The following RASL10A variants were observed in gnomAD, a reference collection of about 807,000 sequenced individuals.
RASL10A encodes RAS like family 10 member A.
RASL10A carries 13 observed loss-of-function variants against 17.3 expected under a neutral mutation model. The observed-to-expected ratio is 0.75, with a 90% confidence interval of 0.49 to 1.20. RASL10A has a LOEUF of 1.20. RASL10A is among the 50% of genes most tolerant of loss of function. The pLI is 0.00. For missense variants in RASL10A, 307 were observed against 310.3 expected (o/e 0.99, Z 0.08); for synonymous variants, 159 against 142.2 (o/e 1.12, Z -0.84).
upstream of RASL10A, among the ~76,000 whole-genome samples, chr22:29,318,234 C>T (rs1197637059): frequency 2.6e-5 from 4 of 152,332 alleles, 1 homozygote; most frequent in South Asian, 4.1e-4. Flanking sequence ...CTCACAGCAG[C>T]GTTCCTAGCA....
rs939035787 is a variant in RASL10A at position 29,315,637 on chromosome 22, G to A, written c.-391C>T. On this transcript the variant is annotated 5_prime_UTR_variant, in exon 1 of 3. Coordinates refer to ENST00000216101, the MANE Select transcript of RASL10A (RefSeq NM_006477.5). This position sits in a 1 kb window ranked among gnomAD's most constrained non-coding sequence, Gnocchi z 5.5. ...CCCGCAGCGGTGCGGGGCGCGGGGG[G>A]CAGCGCTGCCTCCCGGAGCCTCTGT... 3.9e-5 allele frequency: 6 copies of A among 153,726 alleles called. No individual in the cohort carries two copies. Among genetic ancestry groups the A allele is most frequent in the Middle Eastern group, 3.3e-3 (1 of 302 alleles). The allele number at this position is 153,726 out of a possible 1,614,324, so 9.5% of individuals were successfully genotyped here.
At position 29,315,301 on chromosome 22, in the gene RASL10A, A is replaced by G. The variant is rs1370071793; in HGVS notation, c.-55T>C. 2.9e-5 allele frequency: 37 copies of G among 1,296,228 alleles called. No homozygotes were observed. The highest frequency in any genetic ancestry group is 2.0e-6 in the Non-Finnish European group (2 of 1,007,128). The allele number at this position is 1,296,228 out of a possible 1,614,324, so 80.3% of individuals were successfully genotyped here. A position where few individuals can be genotyped will look rare whatever the true frequency, so the allele number is the denominator to read the frequency against. On this transcript the variant is annotated 5_prime_UTR_variant, in exon 1 of 3. Coordinates refer to ENST00000216101, the MANE Select transcript of RASL10A (RefSeq NM_006477.5). The surrounding 1 kb of genome is among the most constrained non-coding windows in gnomAD (Gnocchi z 5.5). The stretch of plus-strand genomic sequence containing the variant: ...GGAAAGCCTCATGGGCCGGCGCCGC[A>G]CCGTGCGCCCCCAGGCCGTGCGCCC...
chr22:29,313,658 T>C, intron 2 of RASL10A, 90 bp from the exon 3 acceptor site: 2 of 1,430,692 alleles, frequency 1.4e-6, no homozygotes, highest in Non-Finnish European at 1.8e-6. Flanking sequence ...ATTCCCTTCC[T>C]ACGGCCAGAG....
rs1038000733 is a variant in RASL10A, at chr22:29,313,385, G to A, written c.528C>T (p.Arg176=). The A allele has an allele frequency of 6.5e-7, 1 of 1,543,752 alleles. No individual in the cohort carries two copies. The highest frequency in any genetic ancestry group is 8.7e-7 in the Non-Finnish European group (1 of 1,146,342). The change falls in exon 3 of 3, where the codon CGC becomes CGT. Residue 176 remains arginine, a synonymous_variant. Coordinates refer to ENST00000216101, the MANE Select transcript of RASL10A (RefSeq NM_006477.5). ...CAGGGCGCGCGCGCACCAGAGCGCA[G>A]CGCAGCAGCTCGCGGAAGAGACGCA... ...HVLRLFRELL[R]CALVRARPAH...
At chr22:29,314,623 C>T (rs924721099) in intron 1 of RASL10A, among the ~76,000 whole-genome samples, 1 of 152,114 alleles carries the variant, frequency 6.6e-6, no homozygotes, top group Non-Finnish European at 1.5e-5. Context: ...AGAGAATGAA[C>T]CCCTCCACCA....
Position 29,315,317 on chromosome 22 carries a change from C to A in RASL10A, c.-71G>T. ...CGGCGCCGCACCGTGCGCCCCCAGG[C>A]CGTGCGCCCCGCGCGCCCTGCCCGG... On this transcript the variant is annotated 5_prime_UTR_variant, in exon 1 of 3. Transcript: ENST00000216101. This position sits in a 1 kb window ranked among gnomAD's most constrained non-coding sequence, Gnocchi z 5.5. 9.3e-7 allele frequency: 1 copy of A among 1,076,918 alleles called. No individual in the cohort carries two copies. The highest frequency in any genetic ancestry group is 3.4e-5 in the East Asian group (1 of 29,028). The allele number at this position is 1,076,918 out of a possible 1,614,324, so 66.7% of individuals were successfully genotyped here.
In RASL10A at chr22:29,315,114, C is replaced by T. The variant is rs1367753036; in HGVS notation, c.133G>A (p.Ala45Thr). ...TAGACGGCGCCGTCGAGCAGCACCG[C>T]GGGTCGGTAGAGGCGCGGCCCGTCC... Reference protein sequence around the residue: ...PTDGPRLYRPAVLLDGAVYDL... With the variant: ...PTDGPRLYRPTVLLDGAVYDL... Residue 45 changes from alanine (A) to threonine (T), a missense_variant, in exon 1 of 3, where the codon GCG becomes ACG. Transcript: ENST00000216101. This position sits in a 1 kb window ranked among gnomAD's most constrained non-coding sequence, Gnocchi z 5.5. 1 of 1,530,672 alleles carries T rather than the reference C, an allele frequency of 6.5e-7. No individual in the cohort carries two copies. 94.8% of individuals were successfully genotyped at this position (1,530,672 alleles called of 1,614,324 possible). A position where few individuals can be genotyped will look rare whatever the true frequency, so the allele number is the denominator to read the frequency against.
chr22:29,313,444 G>C lies in RASL10A; in HGVS notation c.469C>G (p.Leu157Val), dbSNP rs1249865091. The C allele has an allele frequency of 2.6e-6, 4 of 1,541,486 alleles. No individual in the cohort carries two copies. The highest frequency in any genetic ancestry group is 3.5e-6 in the Non-Finnish European group (4 of 1,147,928). The change falls in exon 3 of 3, where the codon CTC (leucine) becomes GTC (valine). Residue 157 changes from leucine to valine, a missense_variant. Physicochemically the swap from Leu to Val is conservative, Grantham distance 32. Transcript: ENST00000216101. ...LVRRGWRCGY[L>V]ECSAKYNWHV... ...CAGTTGTACTTGGCGGAGCACTCGA[G>C]GTAGCCGCAGCGCCAGCCCCTGCGC...
rs1405245658 is a variant in RASL10A at position 29,313,409 on chromosome 22, C to T, written c.504G>A (p.Leu168=). Residue 168 remains leucine (L), a synonymous_variant, in exon 3 of 3, where the codon CTG becomes CTA. Coordinates refer to ENST00000216101, the MANE Select transcript of RASL10A (RefSeq NM_006477.5). ...AGCGCAGCAGCTCGCGGAAGAGACG[C>T]AGCACGTGCCAGTTGTACTTGGCGG... The part of the protein sequence containing the change: ...ECSAKYNWHV[L]RLFRELLRCA... 2.6e-6 allele frequency: 4 copies of T among 1,541,848 alleles called. No individual in the cohort carries two copies. Among genetic ancestry groups the T allele is most frequent in the Admixed American group, 3.9e-5 (2 of 50,984 alleles).
upstream of RASL10A, among the ~76,000 whole-genome samples, chr22:29,318,368 G>A (rs1239677211): frequency 1.3e-5 from 2 of 152,012 alleles, no homozygotes; most frequent in African/African-American, 2.4e-5. Context: ...GCAGCACAGG[G>A]GCCGGAACCC....
At position 29,313,154 on chromosome 22, in the gene RASL10A, T is replaced by A. The variant is rs1375353647; in HGVS notation, c.*147A>T. On this transcript the variant is annotated 3_prime_UTR_variant, in exon 3 of 3. Transcript: ENST00000216101. ...GAGGTTCAAAAGGGGGCCAGTCGCTTAGGAGACTGGGTTGGAGCTTTCCTC... is the reference window on the plus strand; with the variant it reads ...GAGGTTCAAAAGGGGGCCAGTCGCTAAGGAGACTGGGTTGGAGCTTTCCTC... 8.8e-7 allele frequency: 1 copy of A among 1,133,806 alleles called. No individual in the cohort carries two copies. The highest frequency in any genetic ancestry group is 1.6e-5 in the African/African-American group (1 of 60,942). 70.2% of individuals were successfully genotyped at this position (1,133,806 alleles called of 1,614,324 possible). A position where few individuals can be genotyped will look rare whatever the true frequency, so the allele number is the denominator to read the frequency against.
At chr22:29,314,963 G>T in intron 1 of RASL10A, 65 bp downstream of exon 1, 1 of 1,310,356 alleles carries the variant, frequency 7.6e-7, no homozygotes, top group Non-Finnish European at 1.0e-6. Flanking sequence ...GGACACGCAC[G>T]TGTGCACCGA....
rs1421412407 is a variant in RASL10A at position 29,315,313 on chromosome 22, C to T, written c.-67G>A. 2.7e-6 allele frequency: 3 copies of T among 1,127,254 alleles called. No individual in the cohort carries two copies. The highest frequency in any genetic ancestry group is 3.3e-5 in the African/African-American group (2 of 61,494). 69.8% of individuals were successfully genotyped at this position (1,127,254 alleles called of 1,614,324 possible). On this transcript the variant is annotated 5_prime_UTR_variant, in exon 1 of 3. Transcript: ENST00000216101. The surrounding 1 kb of genome is among the most constrained non-coding windows in gnomAD (Gnocchi z 5.5). ...GGGCCGGCGCCGCACCGTGCGCCCCCAGGCCGTGCGCCCCGCGCGCCCTGC... is the reference window on the plus strand; with the variant it reads ...GGGCCGGCGCCGCACCGTGCGCCCCTAGGCCGTGCGCCCCGCGCGCCCTGC...
At chr22:29,314,167 C>T (rs2061438986) in intron 1 of RASL10A, 180 bp from the exon 2 acceptor site, 18 of 760,978 alleles carry the variant, frequency 2.4e-5, no homozygotes, top group Non-Finnish European at 3.5e-5. Flanking sequence ...TTTTCCAAAT[C>T]GTGCCTGGAG....
chr22:29,315,776 C>T (rs1243994287), upstream of RASL10A: 2 of 152,022 alleles, frequency 1.3e-5, no homozygotes, highest in East Asian at 1.9e-4. The surrounding 1 kb of genome is among the most constrained non-coding windows in gnomAD (Gnocchi z 5.5). Flanking sequence ...TCCCACCTTC[C>T]CCCACCGCCC....
At chr22:29,313,674 G>GC (rs695646) in intron 2 of RASL10A, 106 bp from the exon 3 acceptor site, 178,980 of 1,385,198 alleles carry the variant, frequency 0.13, 10,664 homozygotes, top group Admixed American at 0.19. Flanking sequence ...CAGAGACACC[G>GC]CCCCCCCCGC....
chr22:29,313,350 G>A lies in RASL10A; in HGVS notation c.563C>T (p.Ala188Val), dbSNP rs2061431088. 1 of 1,540,886 alleles carries A rather than the reference G, an allele frequency of 6.5e-7. No homozygotes were observed. The highest frequency in any genetic ancestry group is 2.5e-5 in the East Asian group (1 of 40,710). ...ALVRARPAHPALRLQGALHPA... is the reference protein window; with the variant it reads ...ALVRARPAHPVLRLQGALHPA... ...ATGCAGCGCCCCCTGCAGGCGCAGG[G>A]CCGGGTGTGCAGGGCGCGCGCGCAC... The change falls in exon 3 of 3, where the codon GCC becomes GTC. Residue 188 changes from alanine to valine, a missense_variant. By Grantham distance (64) the Ala-to-Val change is moderately conservative (BLOSUM62 0). Transcript: ENST00000216101.
rs139326579 is a variant in RASL10A, at chr22:29,313,953, T to C, written c.254A>G (p.Asp85Gly). The change falls in exon 2 of 3, where the codon GAC becomes GGC. Residue 85 changes from aspartate to glycine, a missense_variant. Coordinates refer to ENST00000216101, the MANE Select transcript of RASL10A (RefSeq NM_006477.5). ...WPDAKDWSLQ[D>G]TDAFVLVYDI... is the part of the protein sequence containing the mutation. The stretch of plus-strand genomic sequence containing the variant: ...GTAGACGAGCACGAAGGCGTCCGTG[T>C]CCTGCAAGCTCCAGTCCTTAGCGTC... The C allele has an allele frequency of 8.7e-6, 14 of 1,613,862 alleles. No individual in the cohort carries two copies. The highest frequency in any genetic ancestry group is 1.2e-5 in the Non-Finnish European group (14 of 1,180,024).
rs750347442 is a variant in RASL10A at position 29,315,252 on chromosome 22, G to A, written c.-6C>T. The A allele has an allele frequency of 3.4e-6, 5 of 1,458,448 alleles. No homozygotes were observed. The highest frequency in any genetic ancestry group is 4.5e-6 in the Non-Finnish European group (5 of 1,113,878). 90.3% of individuals were successfully genotyped at this position (1,458,448 alleles called of 1,614,324 possible). A position where few individuals can be genotyped will look rare whatever the true frequency, so the allele number is the denominator to read the frequency against. On this transcript the variant is annotated 5_prime_UTR_variant, in exon 1 of 3. Transcript: ENST00000216101. The surrounding 1 kb of genome is among the most constrained non-coding windows in gnomAD (Gnocchi z 5.5). Reference sequence around the variant, plus strand: ...ACCCGCAGGCTACCCCCCATGGCCGGCCGGCGCTGTCGCTCCCCGCGCTGG... The same window carrying A: ...ACCCGCAGGCTACCCCCCATGGCCGACCGGCGCTGTCGCTCCCCGCGCTGG...
Sources: gnomAD v4.1 joint callset for allele counts (sites outside exome capture counted in the v4.1 genomes callset) on GRCh38, gnomAD v4.1.1 for gene constraint, Gnocchi (gnomAD v3.1) non-coding constraint, MANE v1.5 for transcripts, NCBI Gene and HGNC (gene_info 2026-07-23, HGNC 2026-07-21) for gene names.